Variants in ZGPAT observed in about 807,000 individuals in gnomAD.
The protein encoded by ZGPAT is zinc finger CCCH-type and G-patch domain containing.
A neutral mutation model predicts 47.9 loss-of-function variants in ZGPAT; 39 were observed. The ratio of observed to expected loss-of-function variants is 0.81; its 90% CI spans 0.63 to 1.06. ZGPAT has a LOEUF of 1.06. Ranked by LOEUF, ZGPAT falls within the 50% of genes least tolerant of loss-of-function variation. ZGPAT has a pLI of 0.00. For synonymous variants in ZGPAT, 348 were observed against 292.9 expected (o/e 1.19, Z -1.92); for missense variants, 717 against 681.4 (o/e 1.05, Z -0.58).
chr20:63,724,281 G>A lies in ZGPAT; in HGVS notation c.585-8938G>A, dbSNP rs147047028. ...CTCGGGAGGCTGAGGCAAGAGAATC[G>A]CTTGAACCTGGGAAGCGGAGGTTGC... On this transcript the variant is annotated intron_variant, in intron 2 of 6. Coordinates refer to ENST00000355969, the MANE Select transcript of ZGPAT (RefSeq NM_181485.3). 6.0e-5 allele frequency among the ~76,000 whole-genome samples: 9 copies of A among 149,780 alleles called. No homozygotes were observed. In the East Asian group the frequency reaches 1.2e-3, roughly 20 times the overall value.
chr20:63,732,510 T>TGTGTGGGTGAGG (rs2091923163), intron 2 of ZGPAT, among the ~76,000 whole-genome samples: 5 of 151,300 alleles, frequency 3.3e-5, no homozygotes, highest in South Asian at 2.1e-4. Context: ...AGGGCACGTG[T>TGTGTGGGTGAGG]GCGCGCGTGT....
rs1463469812 is a variant in ZGPAT, at chr20:63,708,044, C to T, written c.-103C>T. ...GCTGCCCCCGCGCGCCAAGCACTTCCGGAAGCGGCGGCGCTCGGGAGGAAG... is the reference window on the plus strand; with the variant it reads ...GCTGCCCCCGCGCGCCAAGCACTTCTGGAAGCGGCGGCGCTCGGGAGGAAG... On this transcript the variant is annotated 5_prime_UTR_variant, in exon 1 of 7. Coordinates refer to ENST00000355969, the MANE Select transcript of ZGPAT (RefSeq NM_181485.3). The T allele has an allele frequency of 6.6e-6, 1 of 152,024 alleles. No homozygotes were observed. Among genetic ancestry groups the T allele is most frequent in the Non-Finnish European group, 1.5e-5 (1 of 67,988 alleles). 9.4% of individuals were successfully genotyped at this position (152,024 alleles called of 1,614,324 possible). A position where few individuals can be genotyped will look rare whatever the true frequency, so the allele number is the denominator to read the frequency against.
At chr20:63,730,055 TAGA>T (rs1272794731) in intron 2 of ZGPAT, 6 of 90,166 alleles carry the variant, frequency 6.7e-5, no homozygotes, top group African/African-American at 1.4e-4. Context: ...CACAAAATAA[TAGA>T]AGCACTTTCT....
intron 2 of ZGPAT, among the ~76,000 whole-genome samples, chr20:63,721,323 G>A (rs1164086226): frequency 6.7e-5 from 10 of 150,248 alleles, no homozygotes; most frequent in Non-Finnish European, 4.4e-5. Context: ...TTGCACTCCA[G>A]CCTGGGCAAC....
At chr20:63,717,046 A>G (rs1424560993) in intron 2 of ZGPAT, among the ~76,000 whole-genome samples, 1 of 152,062 alleles carries the variant, frequency 6.6e-6, no homozygotes, top group Non-Finnish European at 1.5e-5. Context: ...TGAAATCCTG[A>G]CCTCAGGTTA....
intron 4 of ZGPAT, 143 bp downstream of exon 4, chr20:63,733,882 C>T: frequency 4.5e-6 from 5 of 1,122,270 alleles, no homozygotes; most frequent in Non-Finnish European, 4.9e-6. Flanking sequence ...CCTGAGGAGG[C>T]CGTGTGGGTA....
chr20:63,721,450 C>T (rs751365861), intron 2 of ZGPAT, among the ~76,000 whole-genome samples: 9 of 152,042 alleles, frequency 5.9e-5, no homozygotes, highest in Admixed American at 1.3e-4. Flanking sequence ...AGGCTGTTCA[C>T]GGCTTTTCCT....
Position 63,735,821 on chromosome 20 carries a change from G to A in ZGPAT, c.1438G>A (p.Gly480Arg), listed in dbSNP as rs1224107764. 5 of 1,611,670 alleles carry A rather than the reference G, an allele frequency of 3.1e-6. No individual in the cohort carries two copies. Among genetic ancestry groups the A allele is most frequent in the Non-Finnish European group, 4.2e-6 (5 of 1,179,440 alleles). Residue 480 changes from glycine to arginine, a missense_variant, in exon 7 of 7, where the codon GGA (glycine) becomes AGA (arginine). Coordinates refer to ENST00000355969, the MANE Select transcript of ZGPAT (RefSeq NM_181485.3). Reference protein sequence around the residue: ...ASAQLQEKLAGAQRQLGQLRA... With the variant: ...ASAQLQEKLARAQRQLGQLRA... ...AGCCCAGCTGCAGGAGAAGCTGGCA[G>A]GAGCCCAGCGCCAGCTGGGGCAGCT...
Position 63,709,137 on chromosome 20 carries a change from G to T in ZGPAT, c.557G>T (p.Gly186Val), listed in dbSNP as rs1388493773. ...SLKPCPFFLE[G>V]KCRFKENCRF... ...AAGCCGTGCCCGTTCTTCCTGGAGG[G>T]AAAGTGCCGCTTTAAGGAGAACTGC... The change falls in exon 2 of 7, where the codon GGA becomes GTA. Residue 186 changes from glycine (G) to valine (V), a missense_variant. Coordinates refer to ENST00000355969, the MANE Select transcript of ZGPAT (RefSeq NM_181485.3). The T allele has an allele frequency of 1.2e-6, 2 of 1,612,060 alleles. No individual in the cohort carries two copies. The highest frequency in any genetic ancestry group is 1.7e-6 in the Non-Finnish European group (2 of 1,180,032).
intron 2 of ZGPAT, among the ~76,000 whole-genome samples, chr20:63,709,526 A>G (rs986083723): frequency 3.3e-5 from 5 of 152,100 alleles, no homozygotes; most frequent in African/African-American, 1.2e-4. Context: ...GGTCCTGGCT[A>G]CTCAGGAGGC....
At chr20:63,710,052 G>T (rs903673029) in intron 2 of ZGPAT, among the ~76,000 whole-genome samples, 1 of 152,010 alleles carries the variant, frequency 6.6e-6, no homozygotes, top group Non-Finnish European at 1.5e-5. Context: ...AGTAGAGACG[G>T]GGTTTCACCA....
intron 2 of ZGPAT, among the ~76,000 whole-genome samples, chr20:63,727,647 G>T (rs1289984072): frequency 1.4e-5 from 2 of 147,814 alleles, no homozygotes; most frequent in East Asian, 4.0e-4. Context: ...TCCAGCCTGG[G>T]TGAGAGAGTG....
chr20:63,733,799 T>C, intron 4 of ZGPAT, 60 bp downstream of exon 4: 1 of 1,555,650 alleles, frequency 6.4e-7, no homozygotes, highest in East Asian at 2.2e-5. Context: ...GAGAGGCTCC[T>C]GGCCGGTGAG....
intron 2 of ZGPAT, chr20:63,730,174 A>G (rs1212109568): frequency 6.6e-6 from 1 of 152,106 alleles, no homozygotes; most frequent in Non-Finnish European, 1.5e-5. Context: ...ATTTAATCGA[A>G]TTCACTCTGG....
chr20:63,725,764 CTTT>C (rs71197427), intron 2 of ZGPAT, among the ~76,000 whole-genome samples: 1 of 136,948 alleles, frequency 7.3e-6, no homozygotes, highest in Non-Finnish European at 1.6e-5. Flanking sequence ...TTCTCTAAAG[CTTT>C]TTTTTTTTTT....
intron 2 of ZGPAT, among the ~76,000 whole-genome samples, chr20:63,732,352 G>GCA (rs2091917131): frequency 6.9e-6 from 1 of 145,748 alleles, no homozygotes; most frequent in Non-Finnish European, 1.5e-5. Flanking sequence ...TGAGGTGTGT[G>GCA]TGTGCATGTG....
intron 2 of ZGPAT, among the ~76,000 whole-genome samples, chr20:63,719,332 A>G (rs528494835): frequency 2.0e-5 from 3 of 152,282 alleles, no homozygotes; most frequent in East Asian, 1.9e-4. Flanking sequence ...TTCAGCTACT[A>G]TTCTTTGCAT....
At position 63,709,022 on chromosome 20, in the gene ZGPAT, C is replaced by T. The variant is rs1375430117; in HGVS notation, c.442C>T (p.His148Tyr). 1.2e-6 allele frequency: 2 copies of T among 1,613,644 alleles called. No homozygotes were observed. The highest frequency in any genetic ancestry group is 8.5e-7 in the Non-Finnish European group (1 of 1,179,994). The change falls in exon 2 of 7, where the codon CAC (histidine) becomes TAC (tyrosine). Residue 148 changes from histidine (H) to tyrosine (Y), a missense_variant. By Grantham distance (83) the His-to-Tyr change is moderately conservative (BLOSUM62 2). Coordinates refer to ENST00000355969, the MANE Select transcript of ZGPAT (RefSeq NM_181485.3). ...CAGCTCCTGGGGCACTCTGGAGTATCACAACGCCATGGTGGTGGGAACGGA... is the reference window on the plus strand; with the variant it reads ...CAGCTCCTGGGGCACTCTGGAGTATTACAACGCCATGGTGGTGGGAACGGA... ...YYSSWGTLEY[H>Y]NAMVVGTEEA...
At chr20:63,710,634 TC>T (rs1332052180) in intron 2 of ZGPAT, among the ~76,000 whole-genome samples, 1 of 152,228 alleles carries the variant, frequency 6.6e-6, no homozygotes, top group Non-Finnish European at 1.5e-5. Flanking sequence ...TTTTTTTCTT[TC>T]CTGGGCCATT....
Sources: allele counts gnomAD v4.1 joint callset (sites outside exome capture counted in the v4.1 genomes callset), GRCh38; gene constraint gnomAD v4.1.1; transcripts MANE v1.5; gene names NCBI Gene and HGNC (gene_info 2026-07-23, HGNC 2026-07-21).